Variants in RAI14 observed in about 807,000 individuals in gnomAD.
RAI14 encodes ankycorbin.
In RAI14, 45 loss-of-function variants were observed where a neutral mutation model predicts 115.4. The observed-to-expected ratio is 0.39, with a 90% CI of 0.31 to 0.50. The LOEUF (loss-of-function observed/expected upper bound fraction) is 0.50, where lower values mean the gene tolerates loss of function less well. Among genes scored for constraint, RAI14 ranks in the 20% least tolerant of loss-of-function variants. RAI14 has a pLI of 0.85. For missense variants in RAI14, 939 were observed against 1,131.2 expected, an observed-to-expected ratio of 0.83 and a Z score of 2.44; for synonymous variants, 371 against 415.4, an observed-to-expected ratio of 0.89 and a Z score of 1.30.
intron 2 of RAI14, among the ~76,000 whole-genome samples, chr5:34,732,321 G>A (rs1265065614): frequency 1.3e-5 from 2 of 152,104 alleles, no homozygotes; most frequent in Non-Finnish European, 2.9e-5. Flanking sequence ...TATATAGAAA[G>A]AGCAATGGCA....
intron 2 of RAI14, among the ~76,000 whole-genome samples, chr5:34,730,875 C>T (rs146351856): frequency 0.15 from 23,293 of 152,036 alleles, 2,179 homozygotes; most frequent in Non-Finnish European, 0.19. Context: ...CCCAGCTACT[C>T]TGGAGGCTGA....
intron 2 of RAI14, among the ~76,000 whole-genome samples, chr5:34,695,717 G>T (rs1205453642): frequency 6.6e-6 from 1 of 151,260 alleles, no homozygotes; most frequent in Non-Finnish European, 1.5e-5. Flanking sequence ...GTGGCTACTA[G>T]AAACTTTAAA....
Position 34,762,842 on chromosome 5 carries a change from A to G in RAI14, c.167+5244A>G, listed in dbSNP as rs150165575. ...GTTATGTGTGTTTGTCTTACGAACAACCAGACTAAATAAAATCACTGCCGG... is the reference window on the plus strand; with the variant it reads ...GTTATGTGTGTTTGTCTTACGAACAGCCAGACTAAATAAAATCACTGCCGG... On this transcript the variant is annotated intron_variant, in intron 3 of 17. Transcript: ENST00000265109. Among the ~76,000 whole-genome samples, 214 of 152,256 alleles carry G rather than the reference A, an allele frequency of 1.4e-3. 2 individuals carry two copies. Among genetic ancestry groups the G allele is most frequent in the East Asian group, 5.8e-4 (3 of 5,180 alleles).
intron 1 of RAI14, among the ~76,000 whole-genome samples, chr5:34,683,295 C>G (rs999113394): frequency 1.3e-5 from 2 of 152,140 alleles, no homozygotes; most frequent in Non-Finnish European, 1.5e-5. Flanking sequence ...CCACCCAGCT[C>G]TCACACACCC....
intron 10 of RAI14, among the ~76,000 whole-genome samples, chr5:34,813,314 C>G (rs1028400512): frequency 6.6e-6 from 1 of 152,218 alleles, no homozygotes; most frequent in African/African-American, 2.4e-5. Flanking sequence ...TCAACCTCTA[C>G]TTTCCCAGTT....
intron 1 of RAI14, among the ~76,000 whole-genome samples, chr5:34,681,671 T>A (rs887278846): frequency 6.6e-5 from 10 of 151,128 alleles, no homozygotes; most frequent in African/African-American, 9.7e-5. Context: ...ATTAAAAAAA[T>A]TTTTTTTTGT....
intron 2 of RAI14, among the ~76,000 whole-genome samples, chr5:34,756,886 G>T (rs774934549): frequency 3.3e-5 from 5 of 152,214 alleles, no homozygotes; most frequent in African/African-American, 4.8e-5. Context: ...TTAAGAGCTT[G>T]CTCAGGAAGA....
intron 3 of RAI14, among the ~76,000 whole-genome samples, chr5:34,781,397 T>A (rs192173811): frequency 6.6e-6 from 1 of 152,280 alleles, no homozygotes; most frequent in East Asian, 1.9e-4. Context: ...TAAAAGCTTA[T>A]GTAGAGACAA....
intron 1 of RAI14, among the ~76,000 whole-genome samples, chr5:34,668,642 C>G (rs192439376): frequency 6.6e-6 from 1 of 152,026 alleles, no homozygotes; most frequent in Non-Finnish European, 1.5e-5. Flanking sequence ...TATCATTTTT[C>G]TCTTTTGAGA....
At chr5:34,758,048 A>G (rs951329104) in intron 3 of RAI14, among the ~76,000 whole-genome samples, 1 of 152,236 alleles carries the variant, frequency 6.6e-6, no homozygotes, top group Admixed American at 6.5e-5. Context: ...CTTCCTTGCC[A>G]TAATTAAAGC....
rs780327431 is a variant in RAI14, at chr5:34,665,153, G to A, written c.-49+8678G>A. On this transcript the variant is annotated intron_variant, in intron 1 of 17. Coordinates refer to ENST00000265109, the MANE Select transcript of RAI14 (RefSeq NM_015577.3). The stretch of plus-strand genomic sequence containing the variant: ...TGTGTATATATATACACATATATAT[G>A]TGTGTGTATATATATATATACACAC... 4.0e-4 allele frequency among the ~76,000 whole-genome samples: 8 copies of A among 19,894 alleles called. 1 individual carries two copies. Among genetic ancestry groups the A allele is most frequent in the South Asian group, 5.1e-3 (1 of 196 alleles). 13.1% of individuals were successfully genotyped at this position (19,894 alleles called of 152,430 possible).
chr5:34,799,895 G>T (rs1754059233), intron 4 of RAI14, among the ~76,000 whole-genome samples: 1 of 152,048 alleles, frequency 6.6e-6, no homozygotes, highest in Admixed American at 6.6e-5. Flanking sequence ...CACCGTGTTA[G>T]CCAGGCTGGT....
At chr5:34,785,021 C>T (rs1752129564) in intron 3 of RAI14, among the ~76,000 whole-genome samples, 1 of 152,140 alleles carries the variant, frequency 6.6e-6, no homozygotes, top group Non-Finnish European at 1.5e-5. Flanking sequence ...ATTAATGGCT[C>T]ATAAATCAGT....
At chr5:34,667,680 G>C (rs1743322545) in intron 1 of RAI14, among the ~76,000 whole-genome samples, 1 of 152,152 alleles carries the variant, frequency 6.6e-6, no homozygotes, top group African/African-American at 2.4e-5. Flanking sequence ...AGACTCCTAA[G>C]TCTTAAGTGC....
chr5:34,686,867 C>T lies in RAI14; in HGVS notation c.-48-5C>T, dbSNP rs1203467772. Reference sequence around the variant, plus strand: ...CCTACATATGTCCTTTTTTTCTCTGCTTAGGTGTTGAAAAGTCTCCTCTAG... The same window carrying T: ...CCTACATATGTCCTTTTTTTCTCTGTTTAGGTGTTGAAAAGTCTCCTCTAG... On this transcript the variant is annotated splice_polypyrimidine_tract_variant and splice_region_variant and intron_variant, in intron 1 of 17. Coordinates refer to ENST00000265109, the MANE Select transcript of RAI14 (RefSeq NM_015577.3). The T allele has an allele frequency of 1.3e-6, 2 of 1,572,854 alleles. No homozygotes were observed. The highest frequency in any genetic ancestry group is 1.1e-5 in the South Asian group (1 of 88,858).
intron 12 of RAI14, among the ~76,000 whole-genome samples, chr5:34,816,157 A>G (rs528947431): frequency 6.6e-6 from 1 of 152,332 alleles, no homozygotes; most frequent in South Asian, 2.1e-4. Context: ...GTAGTAATTT[A>G]CCAATTGACA....
intron 12 of RAI14, among the ~76,000 whole-genome samples, chr5:34,815,809 C>T (rs1375949072): frequency 6.6e-6 from 1 of 152,116 alleles, no homozygotes; most frequent in Non-Finnish European, 1.5e-5. Context: ...GTGTTTTCAT[C>T]ACAAAAAATG....
intron 1 of RAI14, among the ~76,000 whole-genome samples, chr5:34,658,062 C>A (rs1199953827): frequency 6.6e-6 from 1 of 152,160 alleles, no homozygotes; most frequent in Non-Finnish European, 1.5e-5. Flanking sequence ...GGAGAGCTAT[C>A]CCGTGCTGGG....
chr5:34,789,793 A>G (rs191739779), intron 3 of RAI14, among the ~76,000 whole-genome samples: 1 of 152,264 alleles, frequency 6.6e-6, no homozygotes, highest in East Asian at 1.9e-4. Flanking sequence ...AAGTGCTTTT[A>G]CACATAATTC....
Sources: gnomAD v4.1 joint callset for allele counts (sites outside exome capture counted in the v4.1 genomes callset) on GRCh38, gnomAD v4.1.1 for gene constraint, MANE v1.5 for transcripts, NCBI Gene and HGNC (gene_info 2026-07-23, HGNC 2026-07-21) for gene names.